Variants in ZNF676 observed in about 807,000 individuals in gnomAD.
ZNF676 encodes the protein zinc finger protein 676.
A neutral mutation model predicts 6.0 loss-of-function variants in ZNF676; 4 were observed. The ratio of observed to expected loss-of-function variants is 0.67; its 90% CI spans 0.33 to 1.53. The LOEUF (loss-of-function observed/expected upper bound fraction) is 1.53, where lower values mean the gene tolerates loss of function less well. ZNF676 is among the 40% of genes most tolerant of loss of function. ZNF676 has a pLI of 0.06. For missense variants in ZNF676, 644 were observed against 679.7 expected (o/e 0.95, Z 0.58); for synonymous variants, 198 against 223.1 (o/e 0.89, Z 1.00).
At chr19:22,228,551 G>T in the ZNF676 span, among the ~76,000 whole-genome samples, 2 of 152,176 alleles carry the variant, frequency 1.3e-5, no homozygotes, top group Non-Finnish European at 2.9e-5. Context: ...AATAGGAAAA[G>T]AGGAAGTCAA....
At chr19:22,188,124 G>T (rs1420451709) in intron 2 of ZNF676, among the ~76,000 whole-genome samples, 2 of 152,070 alleles carry the variant, frequency 1.3e-5, no homozygotes, top group Non-Finnish European at 1.5e-5. Context: ...TAAAATACTG[G>T]TAAACCGAAT....
At chr19:22,220,474 T>A (rs2024237300), upstream of ZNF676, among the ~76,000 whole-genome samples, 1 of 151,476 alleles carries the variant, frequency 6.6e-6, no homozygotes. Context: ...TTTTTTTTTT[T>A]TTTTCTTGAG....
chr19:22,205,949 A>G (rs1291987280), intron 1 of ZNF676, among the ~76,000 whole-genome samples: 4 of 151,950 alleles, frequency 2.6e-5, no homozygotes, highest in African/African-American at 9.7e-5. Context: ...AAATGACAAA[A>G]AGAGACATTA....
At position 22,180,296 on chromosome 19, in the gene ZNF676, T is replaced by C. The variant is rs1271841576; in HGVS notation, c.1421A>G (p.Glu474Gly). 1 of 1,612,776 alleles carries C rather than the reference T, an allele frequency of 6.2e-7. No individual in the cohort carries two copies. The highest frequency in any genetic ancestry group is 1.1e-5 in the South Asian group (1 of 91,046). ...ACATTCTTCACATTTGTAAGGTTTC[T>C]CTGCAGCATGAATTCTCTTGTGTTT... ...FTKHKRIHAA[E>G]KPYKCEECGK... Residue 474 changes from glutamate to glycine, a missense_variant, in exon 3 of 3, where the codon GAG (glutamate) becomes GGG (glycine). Around this residue, in one of 5 missense-constraint regions of ZNF676, gnomAD observed 306 missense variants for 265.4 expected, o/e 1.15. Coordinates refer to ENST00000397121, the MANE Select transcript of ZNF676 (RefSeq NM_001001411.3).
chr19:22,179,596 T>C lies in ZNF676; in HGVS notation c.*354A>G. On this transcript the variant is annotated 3_prime_UTR_variant, in exon 3 of 3. Coordinates refer to ENST00000397121, the MANE Select transcript of ZNF676 (RefSeq NM_001001411.3). The stretch of plus-strand genomic sequence containing the variant: ...AGGGTTGAGAACTAATGAAAAGCTT[T>C]GCCACGTTTTTCACATTTGTAGGGC... 2.1e-6 allele frequency: 1 copy of C among 476,474 alleles called. No homozygotes were observed. Among genetic ancestry groups the C allele is most frequent in the South Asian group, 2.0e-5 (1 of 49,876 alleles). The allele number at this position is 476,474 out of a possible 1,614,324, so 29.5% of individuals were successfully genotyped here. A position where few individuals can be genotyped will look rare whatever the true frequency, so the allele number is the denominator to read the frequency against.
chr19:22,226,602 T>A, the ZNF676 span, among the ~76,000 whole-genome samples: 3 of 150,758 alleles, frequency 2.0e-5, no homozygotes, highest in Admixed American at 6.6e-5. Flanking sequence ...ATCTTGCTTT[T>A]TTTTTTTCCT....
the ZNF676 span, among the ~76,000 whole-genome samples, chr19:22,250,551 C>T: frequency 5.3e-5 from 8 of 151,968 alleles, no homozygotes; most frequent in Admixed American, 1.3e-4. Flanking sequence ...CCTGAGTACC[C>T]GAGATTATAG....
chr19:22,258,517 T>C, the ZNF676 span, among the ~76,000 whole-genome samples: 1 of 152,214 alleles, frequency 6.6e-6, no homozygotes, highest in Non-Finnish European at 1.5e-5. Flanking sequence ...TTCAATACCC[T>C]CTGTAAGCAG....
chr19:22,235,054 AAAGGCAGGAAGAAGGAAGTCAGG>A, the ZNF676 span, among the ~76,000 whole-genome samples: 3 of 147,998 alleles, frequency 2.0e-5, no homozygotes, highest in African/African-American at 7.7e-5. Flanking sequence ...AGGAAGGCAG[AAAGGCAGGAAGAAGGAAGTCAGG>A]AAGGCAGGAA....
At chr19:22,236,439 A>G in the ZNF676 span, among the ~76,000 whole-genome samples, 1 of 152,164 alleles carries the variant, frequency 6.6e-6, no homozygotes, top group African/African-American at 2.4e-5. Context: ...CCTGGAATCA[A>G]TGTCACCTCA....
At chr19:22,183,626 C>T (rs180924288) in intron 2 of ZNF676, among the ~76,000 whole-genome samples, 30 of 152,270 alleles carry the variant, frequency 2.0e-4, no homozygotes, top group African/African-American at 4.6e-4. Context: ...AGGCACGAGC[C>T]GCCATGCCCA....
the ZNF676 span, among the ~76,000 whole-genome samples, chr19:22,241,444 G>A: frequency 3.3e-5 from 5 of 151,958 alleles, no homozygotes; most frequent in African/African-American, 9.7e-5. Flanking sequence ...ACCCACCTAT[G>A]GATCAGAGCC....
At position 22,180,203 on chromosome 19, in the gene ZNF676, T is replaced by G; in HGVS notation, c.1514A>C (p.Tyr505Ser). Residue 505 changes from tyrosine to serine, a missense_variant, in exon 3 of 3, where the codon TAC becomes TCC. Physicochemically the swap from Tyr to Ser is moderately radical, Grantham distance 144. This residue lies in a region of ZNF676 where 306 missense variants were observed against 265.4 expected (regional missense o/e 1.15). Coordinates refer to ENST00000397121, the MANE Select transcript of ZNF676 (RefSeq NM_001001411.3). ...GGCTTTGCCACATTCTTCACATTTG[T>G]AGCGTTTCTCTCCAGTATGAATTAT... ...HKIIHTGEKR[Y>S]KCEECGKAFS... The G allele has an allele frequency of 6.2e-7, 1 of 1,613,656 alleles. No individual in the cohort carries two copies. Among genetic ancestry groups the G allele is most frequent in the Non-Finnish European group, 8.5e-7 (1 of 1,179,876 alleles).
the ZNF676 span, among the ~76,000 whole-genome samples, chr19:22,227,274 G>A: frequency 6.6e-6 from 1 of 152,128 alleles, no homozygotes; most frequent in East Asian, 1.9e-4. Context: ...GGGAAATAAT[G>A]AAATGAAGGC....
At chr19:22,215,058 A>AAC (rs1555775848) in intron 1 of ZNF676, among the ~76,000 whole-genome samples, 16 of 119,508 alleles carry the variant, frequency 1.3e-4, no homozygotes, top group Admixed American at 7.5e-4. Flanking sequence ...AAAAAAAAAA[A>AAC]AACAACAAAA....
At chr19:22,219,686 C>T (rs993765332), upstream of ZNF676, among the ~76,000 whole-genome samples, 8 of 148,824 alleles carry the variant, frequency 5.4e-5, no homozygotes, top group African/African-American at 9.9e-5. Context: ...GACGGAGTCT[C>T]GCTCTGTCAC....
the ZNF676 span, chr19:22,244,797 G>C: frequency 6.6e-6 from 1 of 152,186 alleles, no homozygotes; most frequent in Non-Finnish European, 1.5e-5. Context: ...CTATGGGCAG[G>C]GCTTATTAAG....
chr19:22,202,044 T>C (rs985584081), intron 1 of ZNF676, among the ~76,000 whole-genome samples: 7 of 152,166 alleles, frequency 4.6e-5, no homozygotes, highest in African/African-American at 1.7e-4. Flanking sequence ...AAAAACTTTT[T>C]TTTTTCTTTT....
At chr19:22,185,641 G>A (rs370108886) in intron 2 of ZNF676, among the ~76,000 whole-genome samples, 2 of 152,162 alleles carry the variant, frequency 1.3e-5, no homozygotes, top group Admixed American at 6.5e-5. Flanking sequence ...TTGAAAAAAG[G>A]TTAGAAGGAT....
Sources: allele counts gnomAD v4.1 joint callset (sites outside exome capture counted in the v4.1 genomes callset), GRCh38; gene constraint gnomAD v4.1.1; regional missense constraint gnomAD v4.1.1; transcripts MANE v1.5; gene names NCBI Gene and HGNC (gene_info 2026-07-23, HGNC 2026-07-21).